The following CDK5RAP2 variants were observed in gnomAD, a reference collection of about 807,000 sequenced individuals.
CDK5RAP2 encodes the protein CDK5 regulatory subunit associated protein 2.
Under a neutral mutation model 232.9 loss-of-function variants are expected in CDK5RAP2, and 147 were observed. The ratio of observed to expected loss-of-function variants is 0.63; its 90% CI spans 0.55 to 0.72. The LOEUF (loss-of-function observed/expected upper bound fraction) is 0.72, where lower values mean the gene tolerates loss of function less well. CDK5RAP2 is among the 30% of genes least tolerant of loss of function. The probability of loss-of-function intolerance (pLI) is 0.00; values close to 1 mark genes in which losing one functional copy is unlikely to be tolerated. For synonymous variants in CDK5RAP2, 833 were observed against 833.7 expected (o/e 1.00, Z 0.01); for missense variants, 2,195 against 2,231.5 (o/e 0.98, Z 0.33).
intron 5 of CDK5RAP2, among the ~76,000 whole-genome samples, chr9:120,542,676 G>A (rs573193324): frequency 1.1e-3 from 162 of 152,322 alleles, no homozygotes; most frequent in African/African-American, 3.8e-3. Context: ...TACCAGATGT[G>A]ACCTTCCTGG....
intron 18 of CDK5RAP2, among the ~76,000 whole-genome samples, chr9:120,464,847 T>A (rs7046829): frequency 0.084 from 12,713 of 152,242 alleles, 1,091 homozygotes; most frequent in African/African-American, 0.22. Flanking sequence ...ATCATGTAAA[T>A]CTCATAATAA....
chr9:120,397,478 C>CA (rs1040997549), intron 35 of CDK5RAP2, among the ~76,000 whole-genome samples: 3 of 148,414 alleles, frequency 2.0e-5, no homozygotes, highest in African/African-American at 7.5e-5. Context: ...GTGATCCTCC[C>CA]ACCTTGGCCT....
intron 12 of CDK5RAP2, among the ~76,000 whole-genome samples, chr9:120,509,922 G>A (rs527669699): frequency 6.6e-6 from 1 of 152,106 alleles, no homozygotes; most frequent in East Asian, 1.9e-4. Context: ...TCTATAAAGA[G>A]ACCAACTCAA....
chr9:120,473,519 C>A (rs969191471), intron 15 of CDK5RAP2, among the ~76,000 whole-genome samples: 1 of 152,194 alleles, frequency 6.6e-6, no homozygotes, highest in East Asian at 1.9e-4. Context: ...TCGGACTGCA[C>A]ACATAAATCA....
At chr9:120,519,845 A>G (rs1188348803) in intron 11 of CDK5RAP2, among the ~76,000 whole-genome samples, 3 of 152,212 alleles carry the variant, frequency 2.0e-5, no homozygotes, top group Non-Finnish European at 4.4e-5. Context: ...TTAGGTTGAC[A>G]AAAAGTAGAG....
At chr9:120,445,368 C>T (rs1407429006) in intron 22 of CDK5RAP2, among the ~76,000 whole-genome samples, 1 of 152,250 alleles carries the variant, frequency 6.6e-6, no homozygotes, top group Non-Finnish European at 1.5e-5. Context: ...CCCTGATTCA[C>T]TGAATCCCTT....
At chr9:120,408,610 G>A in intron 30 of CDK5RAP2, 142 bp from the exon 31 acceptor site, 2 of 919,308 alleles carry the variant, frequency 2.2e-6, no homozygotes, top group South Asian at 2.8e-5. Context: ...AGAATTCCAT[G>A]TGCTCTCTAA....
chr9:120,474,087 A>C (rs1480046819), intron 15 of CDK5RAP2, among the ~76,000 whole-genome samples: 1 of 152,216 alleles, frequency 6.6e-6, no homozygotes, highest in African/African-American at 2.4e-5. Context: ...AGTTCAACTA[A>C]CTGAGTCCTG....
intron 1 of CDK5RAP2, among the ~76,000 whole-genome samples, chr9:120,579,323 A>G (rs935374860): frequency 6.6e-6 from 1 of 151,974 alleles, no homozygotes; most frequent in African/African-American, 2.4e-5. Context: ...CCTCACCCCA[A>G]CTCTGTTGGG....
intron 20 of CDK5RAP2, among the ~76,000 whole-genome samples, 174 bp from the exon 21 acceptor site, chr9:120,454,047 C>T (rs1403263255): frequency 6.6e-6 from 1 of 152,212 alleles, no homozygotes; most frequent in Non-Finnish European, 1.5e-5. Context: ...CCTGTGTAAC[C>T]TCACGGCACC....
At chr9:120,391,348 G>A (rs570146679) in intron 36 of CDK5RAP2, among the ~76,000 whole-genome samples, 48 of 152,286 alleles carry the variant, frequency 3.2e-4, no homozygotes, top group African/African-American at 1.1e-3. Flanking sequence ...GCAAGGAGAA[G>A]ACCGAGGAAC....
At chr9:120,576,438 C>T (rs2043034260) in intron 1 of CDK5RAP2, among the ~76,000 whole-genome samples, 1 of 152,180 alleles carries the variant, frequency 6.6e-6, no homozygotes, top group Non-Finnish European at 1.5e-5. Flanking sequence ...CGGGGTGGCT[C>T]ACTCCTGTAA....
chr9:120,577,720 C>T (rs1169213012), intron 1 of CDK5RAP2, among the ~76,000 whole-genome samples: 1 of 152,106 alleles, frequency 6.6e-6, no homozygotes, highest in African/African-American at 2.4e-5. Flanking sequence ...AGGCTTTATA[C>T]CAACCCCTTT....
rs566238158 is a variant in CDK5RAP2, at chr9:120,575,036, C to T, written c.60-2995G>A. On this transcript the variant is annotated intron_variant, in intron 1 of 37. Coordinates refer to ENST00000349780, the MANE Select transcript of CDK5RAP2 (RefSeq NM_018249.6). ...TTCCATCACTCAGCACAGGGCACAG[C>T]CATCATAACGACTGTTTTGTTTTGT... 5.9e-5 allele frequency among the ~76,000 whole-genome samples: 9 copies of T among 151,984 alleles called. No homozygotes were observed. The East Asian group carries it at 1.6e-3, about 26-fold the overall frequency.
At chr9:120,475,668 A>G (rs538022119) in intron 15 of CDK5RAP2, among the ~76,000 whole-genome samples, 3 of 152,254 alleles carry the variant, frequency 2.0e-5, no homozygotes, top group South Asian at 4.1e-4. Flanking sequence ...ACTCACTTTC[A>G]GAGAGTGACG....
chr9:120,465,761 T>C (rs747390608), intron 18 of CDK5RAP2, among the ~76,000 whole-genome samples: 3 of 150,700 alleles, frequency 2.0e-5, no homozygotes, highest in Non-Finnish European at 4.4e-5. Context: ...AGACATTCAT[T>C]AGGAAATTAA....
chr9:120,486,663 G>C (rs921653792), intron 14 of CDK5RAP2, among the ~76,000 whole-genome samples: 1 of 152,132 alleles, frequency 6.6e-6, no homozygotes, highest in African/African-American at 2.4e-5. Flanking sequence ...TAAGTGCCAT[G>C]ATAGAGGGGT....
chr9:120,470,879 C>T (rs2037666002), intron 16 of CDK5RAP2, among the ~76,000 whole-genome samples: 1 of 152,120 alleles, frequency 6.6e-6, no homozygotes, highest in Non-Finnish European at 1.5e-5. Context: ...ATTTAACACA[C>T]ACGTGTAAGA....
chr9:120,405,904 C>T (rs547822777), intron 32 of CDK5RAP2, among the ~76,000 whole-genome samples: 70 of 152,240 alleles, frequency 4.6e-4, no homozygotes, highest in African/African-American at 1.5e-3. Context: ...AGAAAGGACA[C>T]ACAATGACAC....
Sources: gnomAD v4.1 joint callset for allele counts (sites outside exome capture counted in the v4.1 genomes callset) on GRCh38, gnomAD v4.1.1 for gene constraint, MANE v1.5 for transcripts, NCBI Gene and HGNC (gene_info 2026-07-23, HGNC 2026-07-21) for gene names.